Variants in ASTN2 observed in about 807,000 individuals in gnomAD.
ASTN2 encodes the protein astrotactin 2.
ASTN2 carries 54 observed loss-of-function variants against 139.8 expected under a neutral mutation model. The ratio of observed to expected loss-of-function variants is 0.39; its 90% confidence interval spans 0.31 to 0.48. The LOEUF is 0.48. ASTN2 is among the 20% of genes least tolerant of loss of function. The pLI is 0.95. For missense variants in ASTN2, 1,565 were observed against 1,725.1 expected, an observed-to-expected ratio of 0.91 and a Z score of 1.64; for synonymous variants, 756 against 719.5, an observed-to-expected ratio of 1.05 and a Z score of -0.81.
chr9:116,684,946 T>A (rs2132032082), intron 16 of ASTN2, among the ~76,000 whole-genome samples: 1 of 152,310 alleles, frequency 6.6e-6, no homozygotes, highest in Middle Eastern at 3.4e-3. Context: ...AGAAATTTAG[T>A]CTGTAGTTCA....
At chr9:116,524,389 T>C (rs947095173) in intron 19 of ASTN2, among the ~76,000 whole-genome samples, 1 of 152,210 alleles carries the variant, frequency 6.6e-6, no homozygotes, top group South Asian at 2.1e-4. Context: ...GGTGAAAATG[T>C]TTCCATGGGA....
chr9:116,920,006 C>A (rs969268939), intron 10 of ASTN2, among the ~76,000 whole-genome samples: 1 of 151,782 alleles, frequency 6.6e-6, no homozygotes, highest in Non-Finnish European at 1.5e-5. Context: ...CAGTTCATGG[C>A]TGACAGAAAC....
intron 16 of ASTN2, among the ~76,000 whole-genome samples, chr9:116,685,474 A>G (rs573999660): frequency 6.6e-6 from 1 of 152,286 alleles, no homozygotes; most frequent in African/African-American, 2.4e-5. Context: ...GGCAGTGGGC[A>G]AGGTAAACTC....
At chr9:116,949,833 G>A (rs115635419) in intron 10 of ASTN2, among the ~76,000 whole-genome samples, 2,773 of 152,262 alleles carry the variant, frequency 0.018, 91 homozygotes, top group African/African-American at 0.064. Context: ...CTGTGAGAAG[G>A]CTACGTGACT....
In ASTN2 at chr9:116,503,512, T is replaced by C. The variant is rs533365576; in HGVS notation, c.3356-16012A>G. Among the ~76,000 whole-genome samples, 5 of 152,344 alleles carry C rather than the reference T, an allele frequency of 3.3e-5. No individual in the cohort carries two copies. In the South Asian group the frequency reaches 1.0e-3, roughly 32 times the overall value. On this transcript the variant is annotated intron_variant, in intron 19 of 22. Coordinates refer to ENST00000313400, the MANE Select transcript of ASTN2 (RefSeq NM_001365068.1). ...ACAATGAAAACTATAAAAGCGTTTTTAGGCTTGGAAAATTTAGCTGGTCAG... is the reference window on the plus strand; with the variant it reads ...ACAATGAAAACTATAAAAGCGTTTTCAGGCTTGGAAAATTTAGCTGGTCAG...
At chr9:116,885,182 T>A (rs1490651131) in intron 10 of ASTN2, among the ~76,000 whole-genome samples, 1 of 151,850 alleles carries the variant, frequency 6.6e-6, no homozygotes, top group East Asian at 1.9e-4. Flanking sequence ...ATAGAAGGAA[T>A]AAAGTCTCAT....
chr9:117,364,081 CT>C (rs1302241895), intron 1 of ASTN2, among the ~76,000 whole-genome samples: 2 of 152,164 alleles, frequency 1.3e-5, no homozygotes, highest in Admixed American at 1.3e-4. Context: ...CTCTATCCCC[CT>C]CTACTAGCCT....
At chr9:116,755,291 TTTCAGAGTCA>T (rs1829505294) in intron 13 of ASTN2, among the ~76,000 whole-genome samples, 1 of 152,150 alleles carries the variant, frequency 6.6e-6, no homozygotes, top group African/African-American at 2.4e-5. Flanking sequence ...CATATGAAAT[TTTCAGAGTCA>T]CTCCCTCCCT....
chr9:117,232,001 G>A (rs1001755694), intron 2 of ASTN2, among the ~76,000 whole-genome samples: 1 of 152,148 alleles, frequency 6.6e-6, no homozygotes, highest in Non-Finnish European at 1.5e-5. Context: ...CCCAGAAGGG[G>A]ATTAGAAGAT....
chr9:116,713,363 T>C (rs987336870), intron 16 of ASTN2, among the ~76,000 whole-genome samples: 1 of 152,080 alleles, frequency 6.6e-6, no homozygotes, highest in South Asian at 2.1e-4. Context: ...CTAGGGCTGG[T>C]ACATCAGATG....
At chr9:116,936,181 GCCACCACCAGTACCACAA>G (rs1564349065) in intron 10 of ASTN2, among the ~76,000 whole-genome samples, 24 of 68,494 alleles carry the variant, frequency 3.5e-4, no homozygotes, top group Non-Finnish European at 5.1e-4. Flanking sequence ...CAACACCATC[GCCACCACCAGTACCACAA>G]CCATCACCAT....
intron 10 of ASTN2, among the ~76,000 whole-genome samples, chr9:116,918,127 C>T (rs1834503941): frequency 1.3e-5 from 2 of 152,170 alleles, no homozygotes; most frequent in African/African-American, 4.8e-5. Flanking sequence ...GATGCCTCCC[C>T]AGCCATGTGG....
chr9:116,961,254 A>G (rs1475631418), intron 10 of ASTN2, among the ~76,000 whole-genome samples: 1 of 150,652 alleles, frequency 6.6e-6, no homozygotes, highest in East Asian at 2.0e-4. Context: ...CACTTTTAAG[A>G]GTATAATTTA....
intron 19 of ASTN2, among the ~76,000 whole-genome samples, chr9:116,523,913 A>T (rs981702008): frequency 5.3e-5 from 8 of 152,194 alleles, no homozygotes; most frequent in African/African-American, 1.9e-4. Flanking sequence ...TGAGTTCCAT[A>T]AGGAAATAAT....
At chr9:117,167,835 T>A (rs1385030914) in intron 3 of ASTN2, among the ~76,000 whole-genome samples, 1 of 152,120 alleles carries the variant, frequency 6.6e-6, no homozygotes, top group Non-Finnish European at 1.5e-5. Context: ...TTATCTGGGA[T>A]GTCAGCAAAC....
intron 20 of ASTN2, among the ~76,000 whole-genome samples, chr9:116,453,195 T>C (rs1180784758): frequency 6.6e-6 from 1 of 152,116 alleles, no homozygotes; most frequent in Non-Finnish European, 1.5e-5. Context: ...AAAGACTGAG[T>C]TTGCATCATG....
intron 16 of ASTN2, among the ~76,000 whole-genome samples, chr9:116,724,745 C>T (rs898791835): frequency 6.6e-6 from 1 of 152,194 alleles, no homozygotes; most frequent in Admixed American, 6.5e-5. Flanking sequence ...TGAAAAGATG[C>T]AAGCATGTTT....
intron 7 of ASTN2, among the ~76,000 whole-genome samples, chr9:117,007,183 C>T (rs1837378921): frequency 6.6e-6 from 1 of 152,096 alleles, no homozygotes; most frequent in Non-Finnish European, 1.5e-5. Context: ...TCAGAGAGGC[C>T]TCCCCTGACC....
At chr9:116,642,064 G>A (rs1857356526) in intron 17 of ASTN2, among the ~76,000 whole-genome samples, 1 of 138,844 alleles carries the variant, frequency 7.2e-6, no homozygotes, top group Non-Finnish European at 1.5e-5. Flanking sequence ...AGTTTGGGTA[G>A]TGGTTCTCAA....
Sources: gnomAD v4.1 joint callset for allele counts (sites outside exome capture counted in the v4.1 genomes callset) on GRCh38, gnomAD v4.1.1 for gene constraint, MANE v1.5 for transcripts, NCBI Gene and HGNC (gene_info 2026-07-23, HGNC 2026-07-21) for gene names.